Variants in OLFML2A observed in about 807,000 individuals in gnomAD.
The protein encoded by OLFML2A is olfactomedin like 2A, also known as olfactomedin-like protein 2A.
OLFML2A carries 47 observed loss-of-function variants against 60.9 expected under a neutral mutation model. The observed-to-expected ratio is 0.77, with a 90% CI of 0.61 to 0.98. The LOEUF is 0.98. OLFML2A is among the 50% of genes least tolerant of loss of function. OLFML2A has a pLI of 0.00. For missense variants in OLFML2A, 922 were observed against 879.8 expected, an observed-to-expected ratio of 1.05 and a Z score of -0.61; for synonymous variants, 372 against 375.0, an observed-to-expected ratio of 0.99 and a Z score of 0.09.
chr9:124,787,098 G>C lies in OLFML2A; in HGVS notation c.214G>C (p.Glu72Gln). Reference protein sequence around the residue: ...SRVRSGRARVEDFYTVETVSS... With the variant: ...SRVRSGRARVQDFYTVETVSS... ...AGTGCGCAGTGGGCGGGCACGCGTG[G>C]AGGACTTCTACACGGTGGAGACTGT... Residue 72 changes from glutamate (E) to glutamine (Q), a missense_variant, in exon 2 of 8, where the codon GAG becomes CAG. By Grantham distance (29) the Glu-to-Gln change is conservative. Coordinates refer to ENST00000373580, the MANE Select transcript of OLFML2A (RefSeq NM_182487.4). 1.9e-6 allele frequency: 3 copies of C among 1,614,162 alleles called. No homozygotes were observed. Among genetic ancestry groups the C allele is most frequent in the Non-Finnish European group, 2.5e-6 (3 of 1,180,014 alleles).
chr9:124,804,034 G>T, intron 5 of OLFML2A, 60 bp from the exon 6 acceptor site: 1 of 1,583,946 alleles, frequency 6.3e-7, no homozygotes, highest in South Asian at 1.2e-5. Context: ...TGGACCTTAG[G>T]GAGACCCACA....
intron 4 of OLFML2A, chr9:124,801,129 C>T (rs79313759): frequency 2.3e-5 from 32 of 1,411,228 alleles, no homozygotes; most frequent in Non-Finnish European, 3.0e-5. Flanking sequence ...AGCCTGCCCC[C>T]CAGGGGGATT....
intron 1 of OLFML2A, among the ~76,000 whole-genome samples, chr9:124,786,319 AG>A (rs1841468627): frequency 6.6e-6 from 1 of 152,008 alleles, no homozygotes; most frequent in Admixed American, 6.6e-5. Flanking sequence ...GCTACTAGGG[AG>A]GTTGAAGTGG....
At position 124,809,826 on chromosome 9, in the gene OLFML2A, A is replaced by G; in HGVS notation, c.1373A>G (p.Tyr458Cys). ...NFKQGRWSNM[Y>C]KLPYNWIGTG... Reference sequence around the variant, plus strand: ...CCTGCAGGCCGCTGGAGTAACATGTACAAGCTACCCTACAACTGGATCGGC... The same window carrying G: ...CCTGCAGGCCGCTGGAGTAACATGTGCAAGCTACCCTACAACTGGATCGGC... Residue 458 changes from tyrosine to cysteine, a missense_variant, in exon 8 of 8, where the codon TAC becomes TGC. Tyr to Cys is a radical substitution (Grantham distance 194). Transcript: ENST00000373580. 2 of 1,609,618 alleles carry G rather than the reference A, an allele frequency of 1.2e-6. No individual in the cohort carries two copies. The highest frequency in any genetic ancestry group is 1.7e-6 in the Non-Finnish European group (2 of 1,177,092).
chr9:124,782,991 A>G (rs182503532), intron 1 of OLFML2A, among the ~76,000 whole-genome samples: 10 of 152,008 alleles, frequency 6.6e-5, no homozygotes, highest in Non-Finnish European at 1.3e-4. Context: ...AAGGACAGGC[A>G]GAGTTAGGGC....
At chr9:124,796,225 T>C (rs1841668791) in intron 3 of OLFML2A, among the ~76,000 whole-genome samples, 1 of 152,200 alleles carries the variant, frequency 6.6e-6, no homozygotes, top group Non-Finnish European at 1.5e-5. Context: ...ATTCGAAAAG[T>C]GTTTGGTATG....
rs1842076545 is a variant in OLFML2A at position 124,814,304 on chromosome 9, G to A, written c.*3892G>A. On this transcript the variant is annotated 3_prime_UTR_variant, in exon 8 of 8. Coordinates refer to ENST00000373580, the MANE Select transcript of OLFML2A (RefSeq NM_182487.4). Reference sequence around the variant, plus strand: ...GGCAGAGAGCCCTGGCTGGGAGTTAGGGAGCCCTGGGTTGGAATCCAGCCC... The same window carrying A: ...GGCAGAGAGCCCTGGCTGGGAGTTAAGGAGCCCTGGGTTGGAATCCAGCCC... 6.6e-6 allele frequency: 1 copy of A among 152,440 alleles called. No individual in the cohort carries two copies. The highest frequency in any genetic ancestry group is 2.1e-4 in the South Asian group (1 of 4,842). The allele number at this position is 152,440 out of a possible 1,614,324, so 9.4% of individuals were successfully genotyped here.
intron 3 of OLFML2A, among the ~76,000 whole-genome samples, chr9:124,798,638 A>G (rs1841710750): frequency 6.6e-6 from 1 of 151,920 alleles, no homozygotes; most frequent in African/African-American, 2.4e-5. Context: ...GTTCCAGACC[A>G]GCCTGGCCCA....
intron 1 of OLFML2A, among the ~76,000 whole-genome samples, chr9:124,786,486 C>T (rs1394168933): frequency 2.0e-5 from 3 of 151,632 alleles, no homozygotes; most frequent in Non-Finnish European, 4.4e-5. Flanking sequence ...TTTGGGAGGC[C>T]GAGGCGGGCG....
chr9:124,802,308 G>A (rs10818989), intron 5 of OLFML2A, among the ~76,000 whole-genome samples: 2 of 151,952 alleles, frequency 1.3e-5, no homozygotes, highest in South Asian at 2.1e-4. Context: ...ACTAAGACCC[G>A]CCCCAGATGG....
chr9:124,790,326 T>C (rs975743310), intron 2 of OLFML2A, among the ~76,000 whole-genome samples: 1 of 152,080 alleles, frequency 6.6e-6, no homozygotes. Flanking sequence ...TTCGCCACCA[T>C]GCCCGGCTCA....
Position 124,811,163 on chromosome 9 carries a change from T to C in OLFML2A, c.*751T>C, listed in dbSNP as rs954046908. On this transcript the variant is annotated 3_prime_UTR_variant, in exon 8 of 8. Transcript: ENST00000373580. ...AGGCCCCTGTCTGCTCTATGCTCAT[T>C]TTTATTTTCTCTTATTCTTCATCAG... is the stretch of plus-strand genomic sequence containing the variant. 1 of 152,618 alleles carries C rather than the reference T, an allele frequency of 6.6e-6. No individual in the cohort carries two copies. The highest frequency in any genetic ancestry group is 2.4e-5 in the African/African-American group (1 of 41,430). 9.5% of individuals were successfully genotyped at this position (152,618 alleles called of 1,614,324 possible). A position where few individuals can be genotyped will look rare whatever the true frequency, so the allele number is the denominator to read the frequency against.
chr9:124,808,306 C>A (rs781444514), intron 7 of OLFML2A, among the ~76,000 whole-genome samples: 28 of 152,166 alleles, frequency 1.8e-4, no homozygotes, highest in Non-Finnish European at 4.0e-4. Flanking sequence ...GATCTCGCCC[C>A]CCGTGTATCA....
chr9:124,805,233 G>A (rs765101648), intron 6 of OLFML2A, among the ~76,000 whole-genome samples: 2 of 152,098 alleles, frequency 1.3e-5, no homozygotes, highest in Non-Finnish European at 2.9e-5. Flanking sequence ...TTCAAACCCT[G>A]TCCTGCTTTG....
chr9:124,795,151 C>G lies in OLFML2A; in HGVS notation c.462+20C>G. The G allele has an allele frequency of 6.9e-7, 1 of 1,456,318 alleles. No homozygotes were observed. Among genetic ancestry groups the G allele is most frequent in the Non-Finnish European group, 9.5e-7 (1 of 1,050,732 alleles). The allele number at this position is 1,456,318 out of a possible 1,614,324, so 90.2% of individuals were successfully genotyped here. A position where few individuals can be genotyped will look rare whatever the true frequency, so the allele number is the denominator to read the frequency against. ...GAAGAGGTAAGGGCGGGGCTGCCGC[C>G]AGAGGCCAGGCTGCTCTGGTGCTGG... On this transcript the variant is annotated intron_variant, in intron 3 of 7. Coordinates refer to ENST00000373580, the MANE Select transcript of OLFML2A (RefSeq NM_182487.4).
intron 5 of OLFML2A, among the ~76,000 whole-genome samples, chr9:124,801,950 G>A (rs181960084): frequency 2.8e-4 from 42 of 152,240 alleles, no homozygotes; most frequent in Middle Eastern, 3.4e-3. Context: ...CTGAAGGTCC[G>A]CTCTGACCAG....
rs201152586 is a variant in OLFML2A at position 124,810,200 on chromosome 9, G to A, written c.1747G>A (p.Gly583Ser). The change falls in exon 8 of 8, where the codon GGC becomes AGC. Residue 583 changes from glycine to serine, a missense_variant. By Grantham distance (56) the Gly-to-Ser change is moderately conservative. Coordinates refer to ENST00000373580, the MANE Select transcript of OLFML2A (RefSeq NM_182487.4). ...NSYGNCFLVC[G>S]ILYAVDTYNQ... ...CTACGGGAACTGCTTCCTGGTGTGCGGCATCCTGTATGCCGTGGACACGTA... is the reference window on the plus strand; with the variant it reads ...CTACGGGAACTGCTTCCTGGTGTGCAGCATCCTGTATGCCGTGGACACGTA... 6.8e-6 allele frequency: 11 copies of A among 1,613,646 alleles called. No homozygotes were observed. The highest frequency in any genetic ancestry group is 1.3e-5 in the African/African-American group (1 of 74,910).
intron 1 of OLFML2A, among the ~76,000 whole-genome samples, chr9:124,784,605 A>G (rs1411371201): frequency 6.6e-6 from 1 of 152,232 alleles, no homozygotes; most frequent in African/African-American, 2.4e-5. Context: ...AATAACAAAA[A>G]TTATCATTTT....
intron 6 of OLFML2A, among the ~76,000 whole-genome samples, chr9:124,805,793 G>T (rs202008488): frequency 0.022 from 2,447 of 113,584 alleles, 46 homozygotes; most frequent in East Asian, 0.1. Flanking sequence ...TGTTGTTGTT[G>T]TTTTGGTTTT....
Sources: gnomAD v4.1 joint callset for allele counts (sites outside exome capture counted in the v4.1 genomes callset) on GRCh38, gnomAD v4.1.1 for gene constraint, MANE v1.5 for transcripts, NCBI Gene and HGNC (gene_info 2026-07-23, HGNC 2026-07-21) for gene names.